Variants in DGKB observed in about 807,000 individuals in gnomAD.
DGKB encodes the protein 90 kDa diacylglycerol kinase.
In DGKB, 67 loss-of-function variants were observed where a neutral mutation model predicts 114.3. The ratio of observed to expected loss-of-function variants is 0.59; its 90% confidence interval spans 0.48 to 0.72. The LOEUF is 0.72. DGKB is among the 30% of genes least tolerant of loss of function. The probability of loss-of-function intolerance (pLI) is 0.00; values close to 1 mark genes in which losing one functional copy is unlikely to be tolerated. For missense variants in DGKB, 907 were observed against 975.2 expected (o/e 0.93, Z 0.93); for synonymous variants, 398 against 323.1 (o/e 1.23, Z -2.49).
At position 14,654,163 on chromosome 7, in the gene DGKB, A is replaced by G. The variant is rs528546911; in HGVS notation, c.1134+18766T>C. On this transcript the variant is annotated intron_variant, in intron 13 of 25. Coordinates refer to ENST00000402815, the MANE Select transcript of DGKB (RefSeq NM_001350709.2). The stretch of plus-strand genomic sequence containing the variant: ...GAAGACTTCACAAAAAACTCTTATG[A>G]CTAAGAAATGAGTTTAATAAAGTTG... 1.3e-4 allele frequency among the ~76,000 whole-genome samples: 20 copies of G among 152,220 alleles called. No homozygotes were observed. In the South Asian group the frequency reaches 4.1e-3, roughly 32 times the overall value.
At chr7:14,513,407 A>G (rs1788277974) in intron 20 of DGKB, among the ~76,000 whole-genome samples, 3 of 151,986 alleles carry the variant, frequency 2.0e-5, no homozygotes. Context: ...TGTATTTTGC[A>G]CTTTCTCATC....
intron 23 of DGKB, among the ~76,000 whole-genome samples, chr7:14,285,382 A>T (rs1800714977): frequency 6.6e-6 from 1 of 152,194 alleles, no homozygotes; most frequent in Non-Finnish European, 1.5e-5. Context: ...AGGATGTAGT[A>T]AGTAAATGTC....
At chr7:14,653,582 C>G (rs1051950962) in intron 13 of DGKB, among the ~76,000 whole-genome samples, 4 of 151,708 alleles carry the variant, frequency 2.6e-5, no homozygotes, top group Non-Finnish European at 5.9e-5. Context: ...GTTCAGCGCA[C>G]CAGCATGGCA....
chr7:14,769,228 GAGAA>G (rs371117893), intron 2 of DGKB, among the ~76,000 whole-genome samples: 10,908 of 119,338 alleles, frequency 0.091, 614 homozygotes, highest in Non-Finnish European at 0.11. Flanking sequence ...GAAAGAGAGA[GAGAA>G]AGAAAGAAAG....
intron 23 of DGKB, among the ~76,000 whole-genome samples, chr7:14,221,319 T>C (rs910370479): frequency 2.0e-5 from 3 of 151,470 alleles, no homozygotes; most frequent in South Asian, 2.1e-4. Context: ...GGGTTTTACA[T>C]AGAAGCCCTT....
rs1156643497 is a variant in DGKB, at chr7:14,663,636, C to CCCTTCCTT, written c.1134+9285_1134+9292dup. Among the ~76,000 whole-genome samples, 4 of 145,014 alleles carry CCCTTCCTT rather than the reference C, an allele frequency of 2.8e-5. No homozygotes were observed. The East Asian group carries it at 8.1e-4, about 29-fold the overall frequency. On this transcript the variant is annotated intron_variant, in intron 13 of 25. Coordinates refer to ENST00000402815, the MANE Select transcript of DGKB (RefSeq NM_001350709.2). ...TCCCTTCCTCCCTTCCTCCCTTCCT[C>CCCTTCCTT]CCTTCCTTCCTTCCCTCCTTCCCTC... is the stretch of plus-strand genomic sequence containing the variant.
intron 3 of DGKB, among the ~76,000 whole-genome samples, chr7:14,755,820 A>T (rs1834789358): frequency 6.6e-6 from 1 of 152,134 alleles, no homozygotes; most frequent in African/African-American, 2.4e-5. Flanking sequence ...ATGAAAATTA[A>T]CTAAGATCAG....
chr7:14,490,950 ATT>A (rs36095823), intron 20 of DGKB, among the ~76,000 whole-genome samples: 15 of 146,904 alleles, frequency 1.0e-4, no homozygotes, highest in African/African-American at 3.5e-4. Context: ...AATTGTGGTA[ATT>A]TTTTTTTTTT....
At chr7:14,597,727 T>G (rs2128756445) in intron 17 of DGKB, among the ~76,000 whole-genome samples, 1 of 152,248 alleles carries the variant, frequency 6.6e-6, no homozygotes, top group South Asian at 2.1e-4. Context: ...TTTTATTACT[T>G]GAGTCACCTA....
intron 5 of DGKB, among the ~76,000 whole-genome samples, chr7:14,724,034 T>C (rs1829656873): frequency 6.6e-6 from 1 of 152,196 alleles, no homozygotes; most frequent in Admixed American, 6.5e-5. Flanking sequence ...TTGCATTTCA[T>C]ATAATGTAAA....
At chr7:14,674,004 C>T (rs1019124686) in intron 12 of DGKB, among the ~76,000 whole-genome samples, 2 of 151,742 alleles carry the variant, frequency 1.3e-5, no homozygotes, top group African/African-American at 2.4e-5. Flanking sequence ...AACATACATA[C>T]CTTTGTGAGC....
chr7:14,693,274 C>T (rs937060923), intron 9 of DGKB, among the ~76,000 whole-genome samples: 1 of 151,976 alleles, frequency 6.6e-6, no homozygotes, highest in Non-Finnish European at 1.5e-5. Context: ...CTAATTATTG[C>T]ATAACTATTA....
chr7:14,786,407 T>C (rs1442153520), intron 2 of DGKB, among the ~76,000 whole-genome samples: 1 of 152,194 alleles, frequency 6.6e-6, no homozygotes, highest in Non-Finnish European at 1.5e-5. Context: ...CAAAACAGAC[T>C]GATCAACTCC....
intron 21 of DGKB, among the ~76,000 whole-genome samples, chr7:14,384,865 C>T (rs956795449): frequency 3.3e-5 from 5 of 152,048 alleles, no homozygotes; most frequent in Non-Finnish European, 7.4e-5. Flanking sequence ...TGCACAGGAC[C>T]GCCACTCAAC....
intron 1 of DGKB, among the ~76,000 whole-genome samples, chr7:14,880,845 A>C (rs1036937040): frequency 1.3e-5 from 2 of 152,170 alleles, no homozygotes; most frequent in Non-Finnish European, 2.9e-5. Flanking sequence ...TATATAGGGA[A>C]TAATGTTTTG....
intron 1 of DGKB, among the ~76,000 whole-genome samples, chr7:14,846,644 CATAAA>C: frequency 6.6e-6 from 1 of 152,190 alleles, no homozygotes; most frequent in East Asian, 1.9e-4. Context: ...TCTTTAGGCA[CATAAA>C]ATGAGTGTCA....
At chr7:14,222,882 G>A (rs1209556505) in intron 23 of DGKB, among the ~76,000 whole-genome samples, 7 of 151,442 alleles carry the variant, frequency 4.6e-5, no homozygotes, top group Middle Eastern at 3.2e-3. Context: ...AAGGATTGAC[G>A]ATCATTATTA....
intron 23 of DGKB, among the ~76,000 whole-genome samples, chr7:14,212,516 T>C (rs1250108787): frequency 6.6e-6 from 1 of 152,118 alleles, no homozygotes; most frequent in Non-Finnish European, 1.5e-5. Context: ...TATTCAACAA[T>C]TCAAGGATGG....
chr7:14,379,202 G>C (rs1022439205), intron 21 of DGKB, among the ~76,000 whole-genome samples: 1 of 151,814 alleles, frequency 6.6e-6, no homozygotes, highest in African/African-American at 2.4e-5. Context: ...TCATTTTCTT[G>C]TCTCATTATG....
Sources: allele counts gnomAD v4.1 joint callset (sites outside exome capture counted in the v4.1 genomes callset), GRCh38; gene constraint gnomAD v4.1.1; transcripts MANE v1.5; gene names NCBI Gene and HGNC (gene_info 2026-07-23, HGNC 2026-07-21).